Variants in RBBP6 observed in about 807,000 individuals in gnomAD.
RBBP6 encodes the protein E3 ubiquitin-protein ligase RBBP6.
A neutral mutation model predicts 167.7 loss-of-function variants in RBBP6; 25 were observed. That is an observed-to-expected ratio of 0.15 (90% CI 0.11 to 0.21). The LOEUF (loss-of-function observed/expected upper bound fraction) is 0.21. RBBP6 is among the 10% of genes least tolerant of loss of function. The pLI, the probability that RBBP6 is intolerant of heterozygous loss-of-function variation, is 1.00. For synonymous variants in RBBP6, 789 were observed against 735.8 expected, an observed-to-expected ratio of 1.07 and a Z score of -1.17; for missense variants, 1,868 against 2,134.2, an observed-to-expected ratio of 0.88 and a Z score of 2.46.
At position 24,551,843 on chromosome 16, in the gene RBBP6, A is replaced by G. The variant is rs141267779; in HGVS notation, c.304-1670A>G. Among the ~76,000 whole-genome samples the G allele has an allele frequency of 7.9e-5, 12 of 151,938 alleles. No individual in the cohort carries two copies. The East Asian group carries it at 2.1e-3, about 27-fold the overall frequency. On this transcript the variant is annotated intron_variant, in intron 3 of 17. Coordinates refer to ENST00000319715, the MANE Select transcript of RBBP6 (RefSeq NM_006910.5). The stretch of plus-strand genomic sequence containing the variant: ...TAGAATGTAGTATAGATGATGGTTG[A>G]CAGCAATTTGTCTAGTCCTTGTTAC...
Position 24,569,747 on chromosome 16 carries a change from C to A in RBBP6, c.3057C>A (p.Thr1019=), listed in dbSNP as rs773624571. ...AACCAAAAGCAAAGGGTGATAAAAC[C>A]AAACGGAAGAATGATGGATCTGCTG... ...RDKPKAKGDK[T]KRKNDGSAVS... The change falls in exon 17 of 18, where the codon ACC becomes ACA. Residue 1019 remains threonine, a synonymous_variant. Transcript: ENST00000319715. 1.2e-5 allele frequency: 20 copies of A among 1,613,670 alleles called. No homozygotes were observed. In the East Asian group the frequency reaches 4.0e-4, roughly 32 times the overall value.
chr16:24,554,495 C>T (rs1354954467), intron 4 of RBBP6: 1 of 151,934 alleles, frequency 6.6e-6, no homozygotes, highest in Non-Finnish European at 1.5e-5. Flanking sequence ...AGACTGTATC[C>T]CGACAAAATG....
At chr16:24,568,563 T>G (rs554744029) in intron 16 of RBBP6, among the ~76,000 whole-genome samples, 182 bp from the exon 17 acceptor site, 1 of 152,358 alleles carries the variant, frequency 6.6e-6, no homozygotes, top group African/African-American at 2.4e-5. Context: ...AACAAGTGAT[T>G]GCTCCGATTT....
chr16:24,559,866 T>TC, intron 8 of RBBP6, 189 bp downstream of exon 8: 1 of 409,784 alleles, frequency 2.4e-6, no homozygotes. Context: ...AACCTGTTTG[T>TC]CCTTTTAAAT....
chr16:24,565,333 C>T (rs1010707101), intron 14 of RBBP6, among the ~76,000 whole-genome samples: 1 of 152,244 alleles, frequency 6.6e-6, no homozygotes, highest in Non-Finnish European at 1.5e-5. Context: ...TTGTTAGAGG[C>T]TCCTGCCCTA....
At chr16:24,548,532 A>C (rs62030522) in intron 2 of RBBP6, among the ~76,000 whole-genome samples, 6,656 of 152,206 alleles carry the variant, frequency 0.044, 213 homozygotes, top group Non-Finnish European at 0.071. Context: ...AGGGATTCAA[A>C]TTACAAATGT....
At chr16:24,561,301 G>C (rs528615376) in intron 8 of RBBP6, among the ~76,000 whole-genome samples, 1 of 151,362 alleles carries the variant, frequency 6.6e-6, no homozygotes, top group East Asian at 1.9e-4. Context: ...TTTTGCCCCA[G>C]GCTAGCCTTG....
chr16:24,551,572 C>T (rs1407147200), intron 3 of RBBP6, among the ~76,000 whole-genome samples: 1 of 151,566 alleles, frequency 6.6e-6, no homozygotes, highest in Non-Finnish European at 1.5e-5. Context: ...ACTTCAAAGT[C>T]AATAAATACA....
intron 14 of RBBP6, 98 bp downstream of exon 14, chr16:24,564,963 G>T: frequency 1.3e-6 from 2 of 1,488,898 alleles, no homozygotes; most frequent in Non-Finnish European, 1.8e-6. Context: ...AAGGAAGGGG[G>T]TCATTTGTTT....
intron 16 of RBBP6, 96 bp from the exon 17 acceptor site, chr16:24,568,649 A>G (rs1280367177): frequency 1.4e-6 from 2 of 1,446,232 alleles, no homozygotes; most frequent in African/African-American, 2.8e-5. Flanking sequence ...ATAAAGATAG[A>G]TGAAACCGTG....
intron 7 of RBBP6, among the ~76,000 whole-genome samples, chr16:24,556,995 CTTT>C (rs397962167): frequency 6.4e-5 from 7 of 108,854 alleles, no homozygotes; most frequent in Non-Finnish European, 1.1e-4. Context: ...ACCTTAATGC[CTTT>C]TTTTTTTTTT....
chr16:24,560,952 AGAG>A, intron 8 of RBBP6, among the ~76,000 whole-genome samples: 1 of 152,322 alleles, frequency 6.6e-6, no homozygotes, highest in South Asian at 2.1e-4. Flanking sequence ...AAGGTCAAGA[AGAG>A]GTTGCTAAAG....
Position 24,546,236 on chromosome 16 carries a change from T to A in RBBP6, c.240T>A (p.Val80=). 1.3e-6 allele frequency: 2 copies of A among 1,592,160 alleles called. No homozygotes were observed. Among genetic ancestry groups the A allele is most frequent in the Non-Finnish European group, 1.7e-6 (2 of 1,173,744 alleles). ...VIVRRIPIGG[V]KSTSKTYVIS... ...TTAGAAGAATTCCTATTGGAGGTGTTAAATCTACAAGCAAGACATATGTTA... is the reference window on the plus strand; with the variant it reads ...TTAGAAGAATTCCTATTGGAGGTGTAAAATCTACAAGCAAGACATATGTTA... Residue 80 remains valine (V), a synonymous_variant, in exon 2 of 18, where the codon GTT becomes GTA. Coordinates refer to ENST00000319715, the MANE Select transcript of RBBP6 (RefSeq NM_006910.5).
chr16:24,563,695 G>A (rs1233480231), intron 13 of RBBP6, 31 bp downstream of exon 13: 1 of 1,595,166 alleles, frequency 6.3e-7, no homozygotes, highest in African/African-American at 1.4e-5. Context: ...ATCTTCAGAT[G>A]ATTGCCTGCA....
chr16:24,568,708 T>TTC, intron 16 of RBBP6, 37 bp from the exon 17 acceptor site: 2 of 1,565,022 alleles, frequency 1.3e-6, no homozygotes, highest in South Asian at 2.4e-5. Flanking sequence ...TTGTATGTAT[T>TTC]TCTCAACTAT....
chr16:24,567,444 A>G lies in RBBP6; in HGVS notation c.1891A>G (p.Thr631Ala). 1 of 1,614,056 alleles carries G rather than the reference A, an allele frequency of 6.2e-7. No homozygotes were observed. Among genetic ancestry groups the G allele is most frequent in the African/African-American group, 1.3e-5 (1 of 75,044 alleles). Residue 631 changes from threonine (T) to alanine (A), a missense_variant, in exon 15 of 18, where the codon ACA becomes GCA. Thr to Ala is a moderately conservative substitution (Grantham distance 58, BLOSUM62 0). Transcript: ENST00000319715. ...AGCTCATTCAAATACCATCCCAACA[A>G]CACAAGCACCACCTTTGTCCAGGGA... ...QTAHSNTIPT[T>A]QAPPLSREEF...
At position 24,571,816 on chromosome 16, in the gene RBBP6, G is replaced by A. The variant is rs1899347104; in HGVS notation, c.4750G>A (p.Gly1584Ser). Residue 1584 changes from glycine (G) to serine (S), a missense_variant, in exon 18 of 18, where the codon GGC becomes AGC. Transcript: ENST00000319715. ...AGCAAGGAACAATAAAGAGTCAAGTGGCAATAAACTACTTTATATACTTAA... is the reference window on the plus strand; with the variant it reads ...AGCAAGGAACAATAAAGAGTCAAGTAGCAATAAACTACTTTATATACTTAA... ...LEARNNKESS[G>S]NKLLYILNPP... The A allele has an allele frequency of 2.5e-6, 4 of 1,613,984 alleles. No individual in the cohort carries two copies. Among genetic ancestry groups the A allele is most frequent in the Non-Finnish European group, 3.4e-6 (4 of 1,179,950 alleles).
chr16:24,568,599 G>A (rs1204609776), intron 16 of RBBP6, 146 bp from the exon 17 acceptor site: 3 of 1,185,730 alleles, frequency 2.5e-6, no homozygotes, highest in Non-Finnish European at 3.4e-6. Flanking sequence ...TTCCAGTAGA[G>A]GTCACTGTGC....
chr16:24,545,572 A>G (rs1368333702), intron 1 of RBBP6, among the ~76,000 whole-genome samples: 2 of 152,070 alleles, frequency 1.3e-5, no homozygotes, highest in Non-Finnish European at 2.9e-5. Flanking sequence ...TGCCTGAAAT[A>G]GTCCTCAACC....
Sources: allele counts gnomAD v4.1 joint callset (sites outside exome capture counted in the v4.1 genomes callset), GRCh38; gene constraint gnomAD v4.1.1; transcripts MANE v1.5; gene names NCBI Gene and HGNC (gene_info 2026-07-23, HGNC 2026-07-21).